Variants in CAST observed in about 807,000 individuals in gnomAD.
The protein encoded by CAST is calpastatin.
Under a neutral mutation model 119.6 loss-of-function variants are expected in CAST, and 76 were observed. The observed-to-expected ratio is 0.64, with a 90% CI of 0.53 to 0.77. The LOEUF is 0.77. Ranked by LOEUF, CAST falls within the 30% of genes least tolerant of loss-of-function variation. The probability of loss-of-function intolerance (pLI) is 0.00; values close to 1 mark genes in which losing one functional copy is unlikely to be tolerated. For synonymous variants in CAST, 319 were observed against 331.6 expected (o/e 0.96, Z 0.41); for missense variants, 953 against 946.5 (o/e 1.01, Z -0.09).
chr5:96,245,802 TG>T, the CAST span, among the ~76,000 whole-genome samples: 1 of 152,154 alleles, frequency 6.6e-6, no homozygotes, highest in African/African-American at 2.4e-5. Context: ...TCCATGCAGC[TG>T]GGGGGACTTA....
the CAST span, among the ~76,000 whole-genome samples, chr5:96,412,699 G>T: frequency 6.9e-6 from 1 of 145,554 alleles, no homozygotes; most frequent in South Asian, 2.1e-4. Context: ...CTTTTTTGTC[G>T]CACTTTAGAG....
chr5:96,647,763 C>T (rs181124213), intron 1 of CAST, among the ~76,000 whole-genome samples: 2 of 152,122 alleles, frequency 1.3e-5, no homozygotes, highest in African/African-American at 4.8e-5. Flanking sequence ...ACAGATCCTT[C>T]CCGAGCTCCT....
chr5:96,042,635 C>G, the CAST span, among the ~76,000 whole-genome samples: 1 of 151,972 alleles, frequency 6.6e-6, no homozygotes, highest in Non-Finnish European at 1.5e-5. Flanking sequence ...CTTAAATATG[C>G]CAATGATTAT....
the CAST span, among the ~76,000 whole-genome samples, chr5:96,099,573 T>C: frequency 6.6e-6 from 1 of 152,222 alleles, no homozygotes; most frequent in Non-Finnish European, 1.5e-5. Context: ...TCTGCATCTA[T>C]TAAGATAATT....
chr5:96,483,806 C>G, the CAST span, among the ~76,000 whole-genome samples: 1 of 152,112 alleles, frequency 6.6e-6, no homozygotes, highest in Non-Finnish European at 1.5e-5. Flanking sequence ...ATTCTTGTGA[C>G]AACCCTTCAA....
chr5:95,961,792 G>A, the CAST span: 1 of 1,479,304 alleles, frequency 6.8e-7, no homozygotes, highest in Admixed American at 2.5e-5. Context: ...CGGCTGCTTG[G>A]GCTTCTGCAG....
At chr5:96,610,881 A>G (rs1319633904) in intron 1 of CAST, among the ~76,000 whole-genome samples, 1 of 152,170 alleles carries the variant, frequency 6.6e-6, no homozygotes, top group Non-Finnish European at 1.5e-5. Context: ...AGGACATTCA[A>G]GCTGAGAACC....
chr5:96,265,927 A>C, the CAST span, among the ~76,000 whole-genome samples: 1 of 152,180 alleles, frequency 6.6e-6, no homozygotes, highest in African/African-American at 2.4e-5. Flanking sequence ...TTAAAAAAAA[A>C]CTGATACGAT....
intron 3 of CAST, among the ~76,000 whole-genome samples, chr5:96,709,283 C>T (rs577900684): frequency 6.6e-6 from 1 of 152,318 alleles, no homozygotes; most frequent in African/African-American, 2.4e-5. Context: ...TGGTTTTAAG[C>T]TAGTAACTCA....
rs1045695370 is a variant in CAST at position 96,708,487 on chromosome 5, T to G, written c.210+12580T>G. Among the ~76,000 whole-genome samples, 168 of 152,178 alleles carry G rather than the reference T, an allele frequency of 1.1e-3. 2 individuals are homozygous for G. The highest frequency in any genetic ancestry group is 2.2e-4 in the Non-Finnish European group (15 of 68,030). ...AAAAGTCCCCTTCAGATTTTTCTATTGTTTTAGTTACTTTTTTCTTTGAGA... is the reference window on the plus strand; with the variant it reads ...AAAAGTCCCCTTCAGATTTTTCTATGGTTTTAGTTACTTTTTTCTTTGAGA... On this transcript the variant is annotated intron_variant, in intron 3 of 31. Coordinates refer to ENST00000675179, the MANE Select transcript of CAST (RefSeq NM_001750.7).
the CAST span, among the ~76,000 whole-genome samples, chr5:96,348,786 G>C: frequency 2.0e-5 from 3 of 152,092 alleles, no homozygotes; most frequent in Non-Finnish European, 4.4e-5. Context: ...ATTTACAGAG[G>C]CTGGAAAAAT....
At chr5:96,266,961 A>T in the CAST span, among the ~76,000 whole-genome samples, 3 of 152,216 alleles carry the variant, frequency 2.0e-5, no homozygotes, top group Non-Finnish European at 2.9e-5. Context: ...TGAGAAATTT[A>T]ACAGAGATTG....
At chr5:96,294,649 G>A in the CAST span, among the ~76,000 whole-genome samples, 1 of 152,310 alleles carries the variant, frequency 6.6e-6, no homozygotes, top group East Asian at 1.9e-4. Context: ...ATTTTTGCAA[G>A]TGTCCAAACC....
At chr5:96,247,944 G>A in the CAST span, 1 of 152,218 alleles carries the variant, frequency 6.6e-6, no homozygotes, top group Non-Finnish European at 1.5e-5. Context: ...GGTACAAGAG[G>A]AAGAATATTC....
At chr5:96,401,254 G>T in the CAST span, among the ~76,000 whole-genome samples, 9 of 152,158 alleles carry the variant, frequency 5.9e-5, no homozygotes, top group Admixed American at 5.2e-4. Flanking sequence ...CTTTGTGGGG[G>T]AGAAATATTT....
the CAST span, among the ~76,000 whole-genome samples, chr5:95,970,535 A>T: frequency 1.3e-5 from 2 of 152,232 alleles, no homozygotes; most frequent in Non-Finnish European, 2.9e-5. Context: ...TATCTGTCCT[A>T]AATGACTCAA....
At chr5:96,363,405 A>C in the CAST span, among the ~76,000 whole-genome samples, 26 of 151,528 alleles carry the variant, frequency 1.7e-4, no homozygotes, top group African/African-American at 5.8e-4. Context: ...GATGGCATTG[A>C]ATCTATAAAT....
At chr5:96,343,499 A>T in the CAST span, among the ~76,000 whole-genome samples, 3 of 152,250 alleles carry the variant, frequency 2.0e-5, no homozygotes, top group African/African-American at 7.2e-5. Flanking sequence ...TTTCATTTCT[A>T]CATTGCCTTT....
At chr5:96,223,703 C>T in the CAST span, among the ~76,000 whole-genome samples, 3 of 152,168 alleles carry the variant, frequency 2.0e-5, no homozygotes, top group African/African-American at 7.2e-5. Flanking sequence ...GAGACTAATA[C>T]ATGGCTGCAG....
Sources: allele counts gnomAD v4.1 joint callset (sites outside exome capture counted in the v4.1 genomes callset), GRCh38; gene constraint gnomAD v4.1.1; transcripts MANE v1.5; gene names NCBI Gene and HGNC (gene_info 2026-07-23, HGNC 2026-07-21).